The following AP4S1 variants were observed in gnomAD, a reference collection of about 807,000 sequenced individuals.
AP4S1 encodes the protein AP-4 complex subunit sigma-1.
AP4S1 carries 23 observed loss-of-function variants against 19.8 expected under a neutral mutation model. The ratio of observed to expected loss-of-function variants is 1.16; its 90% confidence interval spans 0.84 to 1.65. The LOEUF is 1.65. AP4S1 is among the 40% of genes most tolerant of loss of function. The pLI, the probability that AP4S1 is intolerant of heterozygous loss-of-function variation, is 0.00. For missense variants in AP4S1, 166 were observed against 172.8 expected (o/e 0.96, Z 0.22); for synonymous variants, 46 against 54.1 (o/e 0.85, Z 0.66).
intron 1 of AP4S1, among the ~76,000 whole-genome samples, chr14:31,048,800 T>C (rs1885566810): frequency 6.6e-6 from 1 of 152,158 alleles, no homozygotes; most frequent in South Asian, 2.1e-4. Context: ...GGTTCTTCCG[T>C]ATCTGCTGAG....
chr14:31,057,637 T>C (rs114268603), intron 1 of AP4S1, among the ~76,000 whole-genome samples: 1,529 of 152,214 alleles, frequency 0.01, 33 homozygotes, highest in African/African-American at 0.034. Context: ...TATTTATTTA[T>C]TTTTTGGAGA....
At chr14:31,075,721 T>C (rs1488536746) in intron 4 of AP4S1, among the ~76,000 whole-genome samples, 2 of 149,572 alleles carry the variant, frequency 1.3e-5, no homozygotes, top group Non-Finnish European at 2.9e-5. Flanking sequence ...TGATATTCCA[T>C]TGTATGGATG....
At chr14:31,082,342 G>A (rs1341329072) in intron 5 of AP4S1, among the ~76,000 whole-genome samples, 1 of 152,150 alleles carries the variant, frequency 6.6e-6, no homozygotes, top group African/African-American at 2.4e-5. Flanking sequence ...GTATATTACA[G>A]TATATTTTTA....
At chr14:31,062,393 C>T (rs1395405021) in intron 1 of AP4S1, among the ~76,000 whole-genome samples, 1 of 152,108 alleles carries the variant, frequency 6.6e-6, no homozygotes, top group Non-Finnish European at 1.5e-5. Flanking sequence ...GCCACTGCAC[C>T]CGGCCAGGTC....
At chr14:31,090,422 C>T (rs1888046462) in intron 5 of AP4S1, among the ~76,000 whole-genome samples, 1 of 152,214 alleles carries the variant, frequency 6.6e-6, no homozygotes. Flanking sequence ...AGAAAGTGGA[C>T]TTCAGTAACT....
chr14:31,062,080 T>C (rs1594674051), intron 1 of AP4S1, among the ~76,000 whole-genome samples: 1 of 152,254 alleles, frequency 6.6e-6, no homozygotes, highest in African/African-American at 2.4e-5. Context: ...GGAAGATTTT[T>C]TTAATCCTGG....
At chr14:31,075,679 AT>A (rs1392196896) in intron 4 of AP4S1, among the ~76,000 whole-genome samples, 3 of 151,710 alleles carry the variant, frequency 2.0e-5, no homozygotes, top group African/African-American at 7.3e-5. Flanking sequence ...GTTATAGCAT[AT>A]ATCAGTACTT....
At chr14:31,084,797 G>A (rs1167511800) in intron 5 of AP4S1, 1 of 1,614,110 alleles carries the variant, frequency 6.2e-7, no homozygotes, top group Non-Finnish European at 8.5e-7. Context: ...CCCAAAATAT[G>A]CTCAGCCCTG....
intron 1 of AP4S1, among the ~76,000 whole-genome samples, chr14:31,037,528 C>T (rs904508339): frequency 1.4e-4 from 22 of 152,172 alleles, no homozygotes; most frequent in Middle Eastern, 3.4e-3. Context: ...TATTTTCATC[C>T]GACCACTATT....
At chr14:31,032,405 G>A (rs927089088) in intron 1 of AP4S1, among the ~76,000 whole-genome samples, 2 of 152,032 alleles carry the variant, frequency 1.3e-5, no homozygotes, top group Non-Finnish European at 2.9e-5. Flanking sequence ...AAATAAATCA[G>A]AAGTAGATAA....
chr14:31,067,925 A>G (rs977602788), intron 2 of AP4S1, among the ~76,000 whole-genome samples: 7 of 150,998 alleles, frequency 4.6e-5, no homozygotes, highest in Non-Finnish European at 7.4e-5. Context: ...CTGGAGTGCA[A>G]CGGCACGATC....
intron 1 of AP4S1, among the ~76,000 whole-genome samples, chr14:31,044,848 C>G (rs1885299526): frequency 6.6e-6 from 1 of 151,822 alleles, no homozygotes; most frequent in Non-Finnish European, 1.5e-5. Context: ...TGAAGAGTGT[C>G]AGGTTTGGGG....
chr14:31,041,021 A>G (rs2139449636), intron 1 of AP4S1, among the ~76,000 whole-genome samples: 1 of 149,836 alleles, frequency 6.7e-6, no homozygotes, highest in East Asian at 2.0e-4. Context: ...GCTAACAGTG[A>G]GCTGAGATCG....
intron 2 of AP4S1, 40 bp from the exon 3 acceptor site, chr14:31,069,803 C>G (rs1886902701): frequency 1.3e-6 from 2 of 1,482,276 alleles, no homozygotes; most frequent in Non-Finnish European, 1.9e-6. Context: ...AGAACTCTCT[C>G]TCAGCCACAG....
In AP4S1 at chr14:31,069,161, C is replaced by T. The variant is rs377481877; in HGVS notation, c.139-682C>T. Among the ~76,000 whole-genome samples the T allele has an allele frequency of 2.6e-3, 402 of 152,200 alleles. 15 individuals are homozygous for T. The South Asian group carries it at 0.058, about 22-fold the overall frequency. Reference sequence around the variant, plus strand: ...CACTCTCCACCTCCCATCCACTCAGCGCCTTCCCATAACTCTTTGTACAAA... The same window carrying T: ...CACTCTCCACCTCCCATCCACTCAGTGCCTTCCCATAACTCTTTGTACAAA... On this transcript the variant is annotated intron_variant, in intron 2 of 5. Coordinates refer to ENST00000542754, the MANE Select transcript of AP4S1 (RefSeq NM_001128126.3).
At chr14:31,081,466 C>A (rs763919901) in intron 5 of AP4S1, among the ~76,000 whole-genome samples, 1 of 152,118 alleles carries the variant, frequency 6.6e-6, no homozygotes, top group African/African-American at 2.4e-5. Context: ...AAAACAAGCA[C>A]GATTTGCTTA....
intron 3 of AP4S1, among the ~76,000 whole-genome samples, chr14:31,072,355 G>A (rs753976527): frequency 9.9e-5 from 15 of 151,740 alleles, no homozygotes; most frequent in Non-Finnish European, 1.5e-4. Flanking sequence ...GGGATTACAG[G>A]TGTGAGCCAT....
At chr14:31,073,796 G>A (rs532405944) in intron 4 of AP4S1, among the ~76,000 whole-genome samples, 4 of 150,272 alleles carry the variant, frequency 2.7e-5, no homozygotes, top group Non-Finnish European at 5.9e-5. Flanking sequence ...CGCCCGCCTC[G>A]GCCTCCCAAA....
rs946002693 is a variant in AP4S1, at chr14:31,096,108, A to T, written c.*3073A>T. The T allele has an allele frequency of 2.6e-5, 4 of 151,178 alleles. No homozygotes were observed. Among genetic ancestry groups the T allele is most frequent in the African/African-American group, 9.8e-5 (4 of 40,682 alleles). 9.4% of individuals were successfully genotyped at this position (151,178 alleles called of 1,614,324 possible). ...CCGTCTCAAAAAAAAAAAAAAAAAA[A>T]AAAGTAGAAAGCAAGAAAGTGTCTC... On this transcript the variant is annotated 3_prime_UTR_variant, in exon 6 of 6. Transcript: ENST00000542754.
Sources: gnomAD v4.1 joint callset for allele counts (sites outside exome capture counted in the v4.1 genomes callset) on GRCh38, gnomAD v4.1.1 for gene constraint, MANE v1.5 for transcripts, NCBI Gene and HGNC (gene_info 2026-07-23, HGNC 2026-07-21) for gene names.